The following SOD2 variants were observed in gnomAD, a reference collection of about 807,000 sequenced individuals.
SOD2 encodes the protein superoxide dismutase [Mn], mitochondrial.
Under a neutral mutation model 27.0 loss-of-function variants are expected in SOD2, and 11 were observed. That is an observed-to-expected ratio of 0.41 (90% confidence interval 0.26 to 0.67). SOD2 has a LOEUF of 0.67. SOD2 is among the 30% of genes least tolerant of loss of function. The pLI is 0.34. For synonymous variants in SOD2, 105 were observed against 103.0 expected (o/e 1.02, Z -0.12); for missense variants, 250 against 274.5 (o/e 0.91, Z 0.63).
upstream of SOD2, among the ~76,000 whole-genome samples, chr6:159,695,863 T>C (rs1485221462): frequency 6.6e-6 from 1 of 152,102 alleles, no homozygotes; most frequent in African/African-American, 2.4e-5. Context: ...TTACAGTCGA[T>C]TGACCTGTGT....
chr6:159,692,493 T>C (rs1440217326), intron 2 of SOD2, 168 bp downstream of exon 2: 3 of 1,443,052 alleles, frequency 2.1e-6, no homozygotes, highest in East Asian at 2.6e-5. Flanking sequence ...CCTTCTACAA[T>C]GAGGTAGACC....
In SOD2 at chr6:159,686,686, G is replaced by T. The variant is rs1780201694; in HGVS notation, c.343+1440C>A. On this transcript the variant is annotated intron_variant, in intron 3 of 4. Transcript: ENST00000538183. ...AAATAAAAACAAAAATAAAGAAAAAGTTGCCCAGTTTCCCAAGCTTACTCT... is the reference window on the plus strand; with the variant it reads ...AAATAAAAACAAAAATAAAGAAAAATTTGCCCAGTTTCCCAAGCTTACTCT... Among the ~76,000 whole-genome samples, 4 of 152,054 alleles carry T rather than the reference G, an allele frequency of 2.6e-5. No homozygotes were observed. In the South Asian group the frequency reaches 8.3e-4, roughly 31 times the overall value.
intron 1 of SOD2, among the ~76,000 whole-genome samples, chr6:159,732,903 G>A (rs1399465171): frequency 1.3e-5 from 2 of 151,142 alleles, no homozygotes; most frequent in African/African-American, 4.9e-5. Flanking sequence ...GTGTGTGTGT[G>A]TGTGTGTGTG....
At chr6:159,748,454 C>G, upstream of SOD2, 1 of 1,556,430 alleles carries the variant, frequency 6.4e-7, no homozygotes, top group East Asian at 2.3e-5. This position sits in a 1 kb window ranked among gnomAD's most constrained non-coding sequence, Gnocchi z 5.6. Flanking sequence ...GTACTCGTTT[C>G]CACACCAAGA....
chr6:159,715,145 G>A (rs900597257), intron 1 of SOD2, among the ~76,000 whole-genome samples: 3 of 152,034 alleles, frequency 2.0e-5, no homozygotes, highest in Admixed American at 1.3e-4. Flanking sequence ...GGCTTGTTGT[G>A]TAGGAGAGAG....
At chr6:159,743,195 G>C (rs1779366472) in intron 1 of SOD2, among the ~76,000 whole-genome samples, 1 of 152,182 alleles carries the variant, frequency 6.6e-6, no homozygotes, top group Non-Finnish European at 1.5e-5. Flanking sequence ...TTACAGACAT[G>C]CATCACCACG....
At chr6:159,735,324 A>G (rs928235384) in intron 1 of SOD2, among the ~76,000 whole-genome samples, 1 of 152,140 alleles carries the variant, frequency 6.6e-6, no homozygotes, top group Admixed American at 6.6e-5. Context: ...ATTTTTTGGT[A>G]GAGACCGAGT....
chr6:159,751,582 T>TA (rs1324001529), intron 1 of SOD2, among the ~76,000 whole-genome samples: 1 of 152,232 alleles, frequency 6.6e-6, no homozygotes, highest in East Asian at 1.9e-4. Context: ...AATCTGGAGC[T>TA]ACAGTAGCAG....
chr6:159,760,306 G>T (rs1323247261), intron 1 of SOD2: 1 of 152,196 alleles, frequency 6.6e-6, no homozygotes, highest in Non-Finnish European at 1.5e-5. Flanking sequence ...GTTTCTCTCT[G>T]TCGCTCAGGC....
chr6:159,687,837 C>A (rs1780263444), intron 3 of SOD2, among the ~76,000 whole-genome samples: 1 of 151,918 alleles, frequency 6.6e-6, no homozygotes, highest in Non-Finnish European at 1.5e-5. Context: ...TGAATGAAAC[C>A]TCATCTCTAC....
In SOD2 at chr6:159,759,886, G is replaced by C. The variant is rs139747761; in HGVS notation, c.-336+1151C>G. On this transcript the variant is annotated intron_variant, in intron 1 of 7. Coordinates refer to the SOD2 transcript ENST00000546087. ...TCAGGCAGGAAACTCTATATCCCTT[G>C]GCTCCAGAAGAATATATTCATACTC... 2.8e-3 allele frequency among the ~76,000 whole-genome samples: 422 copies of C among 152,250 alleles called. 2 individuals are homozygous for C. Among genetic ancestry groups the C allele is most frequent in the African/African-American group, 9.7e-3 (402 of 41,542 alleles).
At chr6:159,697,034 G>C (rs1174897392), upstream of SOD2, among the ~76,000 whole-genome samples, 2 of 132,648 alleles carry the variant, frequency 1.5e-5, no homozygotes, top group Non-Finnish European at 1.6e-5. Flanking sequence ...AGGAGACCCT[G>C]ACACACACAC....
chr6:159,683,574 A>G (rs999277575), intron 4 of SOD2, among the ~76,000 whole-genome samples: 1 of 152,200 alleles, frequency 6.6e-6, no homozygotes, highest in African/African-American at 2.4e-5. Context: ...GAGGGAGGTC[A>G]CTAGTAATTT....
At chr6:159,713,207 C>T (rs1184340582) in intron 1 of SOD2, 13 of 964,304 alleles carry the variant, frequency 1.3e-5, no homozygotes, top group Admixed American at 2.4e-5. Flanking sequence ...ACAGTAATTG[C>T]GGTCTTTTCC....
Position 159,676,557 on chromosome 6 carries a change from T to G in SOD2, c.*5936A>C, listed in dbSNP as rs1238417352. On this transcript the variant is annotated 3_prime_UTR_variant, in exon 5 of 5. Coordinates refer to ENST00000538183, the MANE Select transcript of SOD2 (RefSeq NM_000636.4). ...ATGGGAATTGAACAATGAGAACACT[T>G]GGACACAGGAAGGGGAACATCACAC... 1 of 151,550 alleles carries G rather than the reference T, an allele frequency of 6.6e-6. No individual in the cohort carries two copies. The highest frequency in any genetic ancestry group is 2.4e-5 in the African/African-American group (1 of 41,186). 9.4% of individuals were successfully genotyped at this position (151,550 alleles called of 1,614,324 possible). A position where few individuals can be genotyped will look rare whatever the true frequency, so the allele number is the denominator to read the frequency against.
chr6:159,736,412 T>C (rs541624982), intron 1 of SOD2: 415 of 832,732 alleles, frequency 5.0e-4, no homozygotes, highest in Non-Finnish European at 7.6e-4. Flanking sequence ...ATTTTTCATT[T>C]CTTTGCCTTT....
intron 1 of SOD2, chr6:159,712,980 C>T: frequency 1.6e-6 from 1 of 623,636 alleles, no homozygotes; most frequent in South Asian, 2.1e-5. Context: ...GCTGCCACTG[C>T]ATCTTCGTGA....
chr6:159,684,730 G>T, intron 4 of SOD2, 124 bp downstream of exon 4: 1 of 645,886 alleles, frequency 1.5e-6, no homozygotes, highest in Non-Finnish European at 2.5e-6. Context: ...GACTCTGGGT[G>T]TTATCTGTTA....
chr6:159,692,592 G>A (rs752502110), intron 2 of SOD2, 69 bp downstream of exon 2: 16 of 1,597,952 alleles, frequency 1.0e-5, no homozygotes, highest in Non-Finnish European at 1.3e-5. Context: ...AGGCCCGTCC[G>A]TATGGGGCCT....
Sources: allele counts gnomAD v4.1 joint callset (sites outside exome capture counted in the v4.1 genomes callset), GRCh38; gene constraint gnomAD v4.1.1; non-coding constraint Gnocchi (gnomAD v3.1); transcripts MANE v1.5; gene names NCBI Gene and HGNC (gene_info 2026-07-23, HGNC 2026-07-21).